Variants in LARGE1 observed in about 807,000 individuals in gnomAD.
The protein encoded by LARGE1 is LARGE xylosyl- and glucuronyltransferase 1.
Under a neutral mutation model 87.6 loss-of-function variants are expected in LARGE1, and 43 were observed. The ratio of observed to expected loss-of-function variants is 0.49; its 90% CI spans 0.38 to 0.63. LARGE1 has a LOEUF of 0.63. Ranked by LOEUF, LARGE1 falls within the 30% of genes least tolerant of loss-of-function variation. LARGE1 has a pLI of 0.00. For missense variants in LARGE1, 802 were observed against 1,000.2 expected, an observed-to-expected ratio of 0.80 and a Z score of 2.67; for synonymous variants, 434 against 394.6, an observed-to-expected ratio of 1.10 and a Z score of -1.18.
In LARGE1 at chr22:33,273,193, A is replaced by G. The variant is rs1928488603; in HGVS notation, c.*1234T>C. ...CATTAACTCTTGTTCTCATCAATGT[A>G]AACACAATATTAATATTGAAGATTA... On this transcript the variant is annotated 3_prime_UTR_variant, in exon 15 of 15. Transcript: ENST00000397394. The G allele has an allele frequency of 5.1e-6, 2 of 389,886 alleles. No individual in the cohort carries two copies. Among genetic ancestry groups the G allele is most frequent in the Non-Finnish European group, 9.1e-6 (2 of 220,894 alleles). 24.2% of individuals were successfully genotyped at this position (389,886 alleles called of 1,614,324 possible).
At chr22:33,236,172 T>G (rs2145672391) in intron 11 of LARGE1, among the ~76,000 whole-genome samples, 1 of 152,312 alleles carries the variant, frequency 6.6e-6, no homozygotes, top group Admixed American at 6.5e-5. Context: ...ACTTTGAACT[T>G]CTGACCTCCA....
intron 6 of LARGE1, among the ~76,000 whole-genome samples, chr22:33,535,923 C>T (rs1443044874): frequency 6.6e-6 from 1 of 152,158 alleles, no homozygotes; most frequent in Non-Finnish European, 1.5e-5. Flanking sequence ...TCTTTTATTC[C>T]TTTCCTGCCA....
intron 1 of LARGE1, among the ~76,000 whole-genome samples, chr22:33,914,154 C>T (rs2065717199): frequency 6.6e-6 from 1 of 152,158 alleles, no homozygotes; most frequent in African/African-American, 2.4e-5. Flanking sequence ...CTCCTCTTTC[C>T]TCTACCCCCA....
chr22:33,625,701 G>A (rs1322732969), intron 4 of LARGE1, among the ~76,000 whole-genome samples: 1 of 152,114 alleles, frequency 6.6e-6, no homozygotes, highest in African/African-American at 2.4e-5. Context: ...CCTTCTCAAT[G>A]TATGTTCACA....
At position 33,283,360 on chromosome 22, in the gene LARGE1, G is replaced by C; in HGVS notation, c.1731-12C>G. 6.2e-7 allele frequency: 1 copy of C among 1,614,144 alleles called. No homozygotes were observed. Among genetic ancestry groups the C allele is most frequent in the Non-Finnish European group, 8.5e-7 (1 of 1,180,000 alleles). On this transcript the variant is annotated splice_polypyrimidine_tract_variant and intron_variant, in intron 12 of 14. Transcript: ENST00000397394. ...GGATGACAGACTTCCTGAAAAGAGG[G>C]GACAGGCAGAGAGACAGAGTCCCTG... is the stretch of plus-strand genomic sequence containing the variant.
intron 6 of LARGE1, among the ~76,000 whole-genome samples, chr22:33,435,429 G>C (rs1438942064): frequency 6.6e-6 from 1 of 152,172 alleles, no homozygotes; most frequent in Non-Finnish European, 1.5e-5. Context: ...GATACTACAA[G>C]GTGTAGTACT....
At chr22:33,257,365 G>A (rs886466333) in intron 11 of LARGE1, among the ~76,000 whole-genome samples, 11 of 151,522 alleles carry the variant, frequency 7.3e-5, no homozygotes, top group African/African-American at 2.4e-4. Flanking sequence ...AAATCCCATC[G>A]CTACAAAAAA....
At chr22:33,088,588 C>A in the LARGE1 span, among the ~76,000 whole-genome samples, 1 of 152,166 alleles carries the variant, frequency 6.6e-6, no homozygotes, top group Non-Finnish European at 1.5e-5. Context: ...GCCCGTGTTA[C>A]TGGCAGAGCA....
chr22:33,470,575 T>C (rs2068788468), intron 6 of LARGE1, among the ~76,000 whole-genome samples: 1 of 152,240 alleles, frequency 6.6e-6, no homozygotes, highest in East Asian at 1.9e-4. Context: ...GCCTGGTCTC[T>C]TAACTGAAGC....
At chr22:33,761,280 T>C (rs971768721) in intron 2 of LARGE1, 91 bp downstream of exon 2, 1 of 1,000,390 alleles carries the variant, frequency 1.0e-6, no homozygotes, top group Non-Finnish European at 1.6e-6. Context: ...ATATTCCTAT[T>C]AGATGGCTTT....
chr22:33,277,027 G>T, intron 14 of LARGE1, 33 bp downstream of exon 14: 1 of 1,604,682 alleles, frequency 6.2e-7, no homozygotes, highest in South Asian at 1.1e-5. Flanking sequence ...CTCCCCCGTC[G>T]ACCATACCAG....
At chr22:33,565,117 A>G in intron 5 of LARGE1, 98 bp from the exon 6 acceptor site, 1 of 1,054,028 alleles carries the variant, frequency 9.5e-7, no homozygotes. Context: ...TAGCACACAA[A>G]AAGTATCCAA....
intron 2 of LARGE1, among the ~76,000 whole-genome samples, chr22:33,716,665 G>A (rs954242759): frequency 9.9e-5 from 15 of 152,272 alleles, no homozygotes; most frequent in East Asian, 3.9e-4. Context: ...CTCCCCAAGC[G>A]CTGGGATTAC....
At chr22:33,567,609 A>T (rs550727946) in intron 5 of LARGE1, among the ~76,000 whole-genome samples, 7 of 152,272 alleles carry the variant, frequency 4.6e-5, no homozygotes, top group Admixed American at 3.3e-4. Flanking sequence ...TTTCTTTTTT[A>T]AAAAATTTTT....
intron 9 of LARGE1, among the ~76,000 whole-genome samples, chr22:33,350,078 T>G (rs1940217316): frequency 6.6e-6 from 1 of 152,132 alleles, no homozygotes; most frequent in South Asian, 2.1e-4. Flanking sequence ...AAGGAGGGGA[T>G]AAAAGGACAA....
chr22:33,618,175 C>T (rs2079636256), intron 4 of LARGE1, among the ~76,000 whole-genome samples: 1 of 152,156 alleles, frequency 6.6e-6, no homozygotes, highest in Non-Finnish European at 1.5e-5. Flanking sequence ...GAGAGTTTTT[C>T]AGTGAGTCCT....
At chr22:33,626,808 C>A (rs2079935941) in intron 3 of LARGE1, among the ~76,000 whole-genome samples, 1 of 152,228 alleles carries the variant, frequency 6.6e-6, no homozygotes. Flanking sequence ...AACACCTCCG[C>A]ACCCCATCTG....
At chr22:33,588,318 T>C (rs1346325242) in intron 5 of LARGE1, among the ~76,000 whole-genome samples, 2 of 152,206 alleles carry the variant, frequency 1.3e-5, no homozygotes, top group Non-Finnish European at 2.9e-5. Context: ...GGTGGAAAGA[T>C]AACCTATAGA....
chr22:33,218,331 T>C (rs1925305412), intron 11 of LARGE1, among the ~76,000 whole-genome samples: 1 of 152,208 alleles, frequency 6.6e-6, no homozygotes, highest in African/African-American at 2.4e-5. Context: ...CCTCTGCATA[T>C]TTTTTGTCCT....
Sources: allele counts gnomAD v4.1 joint callset (sites outside exome capture counted in the v4.1 genomes callset), GRCh38; gene constraint gnomAD v4.1.1; transcripts MANE v1.5; gene names NCBI Gene and HGNC (gene_info 2026-07-23, HGNC 2026-07-21).